Variants in FBXL7 observed in about 807,000 individuals in gnomAD.
FBXL7 encodes the protein F-box and leucine rich repeat protein 7.
FBXL7 carries 12 observed loss-of-function variants against 38.3 expected under a neutral mutation model. The ratio of observed to expected loss-of-function variants is 0.31; its 90% confidence interval spans 0.20 to 0.51. FBXL7 has a LOEUF of 0.51. Among genes scored for constraint, FBXL7 ranks in the 20% least tolerant of loss-of-function variants. The pLI is 0.98. For missense variants in FBXL7, 567 were observed against 676.4 expected (o/e 0.84, Z 1.79); for synonymous variants, 297 against 300.9 (o/e 0.99, Z 0.13).
At chr5:15,671,594 G>A (rs1742480037) in intron 2 of FBXL7, among the ~76,000 whole-genome samples, 1 of 152,096 alleles carries the variant, frequency 6.6e-6, no homozygotes, top group African/African-American at 2.4e-5. Context: ...CAATGACTTT[G>A]TTTTTGAGAT....
chr5:15,572,766 A>C (rs978034345), intron 1 of FBXL7, among the ~76,000 whole-genome samples: 4 of 152,228 alleles, frequency 2.6e-5, no homozygotes, highest in Middle Eastern at 3.4e-3. Flanking sequence ...GGAGGCTGCA[A>C]CCTATAGTCT....
rs1740369165 is a variant in FBXL7, at chr5:15,614,325, A to G, written c.38-1658A>G. ...CACTCTGTTGCCCAGGCTGGAGTGC[A>G]ATGGCGCAATCTTGGCTCACTGCAA... On this transcript the variant is annotated intron_variant, in intron 1 of 3. Coordinates refer to ENST00000504595, the MANE Select transcript of FBXL7 (RefSeq NM_012304.5). 2.0e-5 allele frequency among the ~76,000 whole-genome samples: 3 copies of G among 150,312 alleles called. No homozygotes were observed. In the South Asian group the frequency reaches 6.3e-4, roughly 32 times the overall value.
intron 1 of FBXL7, among the ~76,000 whole-genome samples, chr5:15,520,863 CA>C (rs1349149719): frequency 6.6e-6 from 1 of 152,110 alleles, no homozygotes; most frequent in Non-Finnish European, 1.5e-5. Context: ...TCCTGTCCTC[CA>C]GGGGTTGTGT....
At chr5:15,862,211 C>T (rs986506567) in intron 2 of FBXL7, among the ~76,000 whole-genome samples, 2 of 152,092 alleles carry the variant, frequency 1.3e-5, no homozygotes, top group Non-Finnish European at 2.9e-5. Context: ...ATACTGTTCT[C>T]GTGGTAGTGA....
chr5:15,651,108 T>C (rs1040828377), intron 2 of FBXL7, among the ~76,000 whole-genome samples: 3 of 150,484 alleles, frequency 2.0e-5, no homozygotes, highest in Admixed American at 2.0e-4. Context: ...TTCTTTTTTT[T>C]TTTTTTGTGA....
chr5:15,659,732 GCTGT>G (rs1741997399), intron 2 of FBXL7, among the ~76,000 whole-genome samples: 3 of 152,236 alleles, frequency 2.0e-5, no homozygotes, highest in African/African-American at 4.8e-5. Context: ...TTAAAATAGG[GCTGT>G]CTGTATCAGC....
chr5:15,651,245 C>T lies in FBXL7; in HGVS notation c.127+35173C>T, dbSNP rs539092700. On this transcript the variant is annotated intron_variant, in intron 2 of 3. Coordinates refer to ENST00000504595, the MANE Select transcript of FBXL7 (RefSeq NM_012304.5). ...CTGAGTAGCTGGGACTACAGGCACCCGCCATCATGCCTGGCTAATTTTTTA... is the reference window on the plus strand; with the variant it reads ...CTGAGTAGCTGGGACTACAGGCACCTGCCATCATGCCTGGCTAATTTTTTA... Among the ~76,000 whole-genome samples the T allele has an allele frequency of 8.6e-5, 13 of 151,878 alleles. No homozygotes were observed. In the South Asian group the frequency reaches 1.3e-3, roughly 15 times the overall value.
intron 1 of FBXL7, among the ~76,000 whole-genome samples, chr5:15,544,636 T>C (rs1737851366): frequency 6.6e-6 from 1 of 152,094 alleles, no homozygotes; most frequent in African/African-American, 2.4e-5. Flanking sequence ...TAACTTTAAG[T>C]TTTGGGCCTA....
chr5:15,570,382 G>T (rs938123014), intron 1 of FBXL7, among the ~76,000 whole-genome samples: 1 of 152,174 alleles, frequency 6.6e-6, no homozygotes, highest in South Asian at 2.1e-4. Flanking sequence ...TTGCATAGAG[G>T]TGTTTATAGT....
At chr5:15,625,529 C>A (rs1206822507) in intron 2 of FBXL7, among the ~76,000 whole-genome samples, 1 of 152,100 alleles carries the variant, frequency 6.6e-6, no homozygotes, top group Non-Finnish European at 1.5e-5. Flanking sequence ...TGGCATGCAT[C>A]TGTAATTTCA....
At chr5:15,504,091 C>T (rs1382298094) in intron 1 of FBXL7, among the ~76,000 whole-genome samples, 4 of 152,210 alleles carry the variant, frequency 2.6e-5, no homozygotes, top group East Asian at 3.8e-4. Context: ...TCATTTATCA[C>T]GTGCATGTTA....
chr5:15,811,285 GA>G (rs1453695322), intron 2 of FBXL7, among the ~76,000 whole-genome samples: 14 of 152,162 alleles, frequency 9.2e-5, no homozygotes, highest in African/African-American at 3.4e-4. Flanking sequence ...TTAAACAATG[GA>G]AATGTATTTT....
rs557334515 is a variant in FBXL7, at chr5:15,865,408, T to C, written c.128-62482T>C. On this transcript the variant is annotated intron_variant, in intron 2 of 3. Transcript: ENST00000504595. ...GCTTACCTGAATGTTCGAAGAGGGCTTTAAAGAGAGAAAGATTTGAATTGA... is the reference window on the plus strand; with the variant it reads ...GCTTACCTGAATGTTCGAAGAGGGCCTTAAAGAGAGAAAGATTTGAATTGA... 2.6e-5 allele frequency among the ~76,000 whole-genome samples: 4 copies of C among 152,298 alleles called. No homozygotes were observed. The South Asian group carries it at 8.3e-4, about 32-fold the overall frequency.
At chr5:15,702,735 C>G (rs964120439) in intron 2 of FBXL7, among the ~76,000 whole-genome samples, 1 of 152,140 alleles carries the variant, frequency 6.6e-6, no homozygotes, top group Admixed American at 6.5e-5. Flanking sequence ...AAAATACTTT[C>G]TTTCATGCGC....
At chr5:15,791,655 C>T (rs1430529258) in intron 2 of FBXL7, among the ~76,000 whole-genome samples, 1 of 152,264 alleles carries the variant, frequency 6.6e-6, no homozygotes, top group East Asian at 1.9e-4. Flanking sequence ...GAGAGATACT[C>T]CTGGGGCACT....
At chr5:15,551,624 C>T (rs1305253129) in intron 1 of FBXL7, among the ~76,000 whole-genome samples, 2 of 152,154 alleles carry the variant, frequency 1.3e-5, no homozygotes, top group Non-Finnish European at 2.9e-5. Context: ...TATTTAAATA[C>T]TTTTAACTGT....
At chr5:15,773,965 G>C (rs1736795267) in intron 2 of FBXL7, among the ~76,000 whole-genome samples, 2 of 152,002 alleles carry the variant, frequency 1.3e-5, no homozygotes, top group Admixed American at 1.3e-4. Context: ...TTTTGCACAT[G>C]GATCCTATTT....
At chr5:15,841,276 T>C (rs1738739976) in intron 2 of FBXL7, among the ~76,000 whole-genome samples, 1 of 152,192 alleles carries the variant, frequency 6.6e-6, no homozygotes, top group African/African-American at 2.4e-5. Context: ...TTCTGGTTCA[T>C]AGAAATGCCA....
At chr5:15,524,876 C>A (rs73751964) in intron 1 of FBXL7, among the ~76,000 whole-genome samples, 39 of 152,014 alleles carry the variant, frequency 2.6e-4, no homozygotes, top group African/African-American at 8.7e-4. Flanking sequence ...GGCCTCTGGC[C>A]GGTGGAAAGA....
Sources: allele counts gnomAD v4.1 joint callset (sites outside exome capture counted in the v4.1 genomes callset), GRCh38; gene constraint gnomAD v4.1.1; transcripts MANE v1.5; gene names NCBI Gene and HGNC (gene_info 2026-07-23, HGNC 2026-07-21).